HFM1: variants seen among roughly 807,000 people sequenced by gnomAD.
HFM1 encodes the protein probable ATP-dependent DNA helicase HFM1.
HFM1 carries 169 observed loss-of-function variants against 192.1 expected under a neutral mutation model. The observed-to-expected ratio is 0.88, with a 90% CI of 0.78 to 1.00. HFM1 has a LOEUF of 1.00. HFM1 is among the 50% of genes least tolerant of loss of function. The pLI, the probability that HFM1 is intolerant of heterozygous loss-of-function variation, is 0.00. For synonymous variants in HFM1, 525 were observed against 537.8 expected (o/e 0.98, Z 0.33); for missense variants, 1,661 against 1,668.0 (o/e 1.00, Z 0.07).
chr1:91,390,623 T>C (rs185821572), intron 4 of HFM1, among the ~76,000 whole-genome samples: 1 of 152,224 alleles, frequency 6.6e-6, no homozygotes, highest in Middle Eastern at 3.4e-3. Flanking sequence ...TAAGAGCTAT[T>C]TATGACAGAC....
Position 91,397,507 on chromosome 1 carries a change from G to A in HFM1, c.72-1102C>T, listed in dbSNP as rs184991135. Among the ~76,000 whole-genome samples, 22 of 152,268 alleles carry A rather than the reference G, an allele frequency of 1.4e-4. No homozygotes were observed. The East Asian group carries it at 3.9e-3, about 27-fold the overall frequency. On this transcript the variant is annotated intron_variant, in intron 2 of 38. Coordinates refer to ENST00000370425, the MANE Select transcript of HFM1 (RefSeq NM_001017975.6). Reference sequence around the variant, plus strand: ...ATGATCTAGTCATTTAGGATGTTACGCTCTCTAAAGTGAGAAACTCAGTCT... The same window carrying A: ...ATGATCTAGTCATTTAGGATGTTACACTCTCTAAAGTGAGAAACTCAGTCT...
Position 91,404,815 on chromosome 1 carries a change from C to T in HFM1, c.-45G>A. ...CTCCTCACCTCCCTGCGGACAGCTC[C>T]TAGGCCAGTCGAGCGCCGATTTATC... On this transcript the variant is annotated 5_prime_UTR_variant, in exon 1 of 39. Coordinates refer to ENST00000370425, the MANE Select transcript of HFM1 (RefSeq NM_001017975.6). The T allele has an allele frequency of 2.2e-6, 1 of 455,688 alleles. No homozygotes were observed. The highest frequency in any genetic ancestry group is 4.4e-6 in the Non-Finnish European group (1 of 226,684). The allele number at this position is 455,688 out of a possible 1,614,324, so 28.2% of individuals were successfully genotyped here.
At chr1:91,262,896 C>T (rs573921422) in intron 36 of HFM1, among the ~76,000 whole-genome samples, 3 of 152,208 alleles carry the variant, frequency 2.0e-5, no homozygotes, top group East Asian at 1.9e-4. Flanking sequence ...ACCCTATAAA[C>T]ATTTTCTAAA....
chr1:91,320,138 A>C (rs892733183), intron 23 of HFM1, among the ~76,000 whole-genome samples: 2 of 152,204 alleles, frequency 1.3e-5, no homozygotes, highest in African/African-American at 4.8e-5. Flanking sequence ...TCTTAAGGGG[A>C]TCTCTTTTAA....
chr1:91,296,602 A>G (rs1230942023), intron 30 of HFM1, among the ~76,000 whole-genome samples: 1 of 152,220 alleles, frequency 6.6e-6, no homozygotes, highest in Non-Finnish European at 1.5e-5. Flanking sequence ...CTGAATATAA[A>G]GATTAATTTG....
chr1:91,363,789 T>G (rs1056826669), intron 13 of HFM1, among the ~76,000 whole-genome samples: 2 of 152,186 alleles, frequency 1.3e-5, no homozygotes, highest in African/African-American at 4.8e-5. Context: ...TCAACCTAAA[T>G]GCCCATCAGT....
intron 30 of HFM1, among the ~76,000 whole-genome samples, chr1:91,302,668 C>A (rs958730506): frequency 1.8e-4 from 27 of 150,468 alleles, no homozygotes; most frequent in Non-Finnish European, 3.5e-4. Context: ...TCATTCTCAG[C>A]AAACTATCGC....
At chr1:91,374,731 C>A (rs1394827404) in intron 13 of HFM1, among the ~76,000 whole-genome samples, 1 of 152,108 alleles carries the variant, frequency 6.6e-6, no homozygotes, top group Admixed American at 6.6e-5. Context: ...AGACATACAA[C>A]TGGATTCAGT....
intron 20 of HFM1, among the ~76,000 whole-genome samples, chr1:91,332,802 C>T (rs1654024026): frequency 6.6e-6 from 1 of 152,290 alleles, no homozygotes; most frequent in South Asian, 2.1e-4. Context: ...TTTGAATCAA[C>T]ATTTCTCAAA....
intron 2 of HFM1, among the ~76,000 whole-genome samples, chr1:91,398,076 T>C (rs1341431380): frequency 6.6e-6 from 1 of 152,234 alleles, no homozygotes; most frequent in Non-Finnish European, 1.5e-5. Context: ...GGGATCTTCC[T>C]GAAATCTAAG....
chr1:91,350,690 C>T (rs750802854), intron 18 of HFM1, 48 bp downstream of exon 18: 1 of 1,579,900 alleles, frequency 6.3e-7, no homozygotes, highest in South Asian at 1.1e-5. Flanking sequence ...AAATACAGGC[C>T]TAGCTGGCTT....
intron 23 of HFM1, among the ~76,000 whole-genome samples, chr1:91,321,211 GC>G (rs1652055003): frequency 6.6e-6 from 1 of 152,214 alleles, no homozygotes. Flanking sequence ...GGAGGCCGAG[GC>G]AGGTGGATCA....
intron 20 of HFM1, among the ~76,000 whole-genome samples, chr1:91,334,764 A>C (rs1305564205): frequency 6.6e-6 from 1 of 151,992 alleles, no homozygotes. Context: ...CCCTGTCTCT[A>C]CTAAAAATAC....
At chr1:91,400,393 T>C (rs1471597065) in intron 2 of HFM1, among the ~76,000 whole-genome samples, 1 of 152,238 alleles carries the variant, frequency 6.6e-6, no homozygotes, top group Non-Finnish European at 1.5e-5. Flanking sequence ...AGCTACTCTT[T>C]GAGCATTATT....
chr1:91,329,203 A>T, intron 20 of HFM1: 2 of 1,609,822 alleles, frequency 1.2e-6, no homozygotes, highest in Non-Finnish European at 8.5e-7. Context: ...AATCGGCTCC[A>T]CAAGGAGGCT....
intron 20 of HFM1, chr1:91,329,043 T>C: frequency 6.2e-7 from 1 of 1,611,154 alleles, no homozygotes; most frequent in South Asian, 1.1e-5. Context: ...CCAGGAACAG[T>C]TTGTGGATCT....
At chr1:91,294,568 C>T (rs960541920) in intron 30 of HFM1, among the ~76,000 whole-genome samples, 1 of 152,210 alleles carries the variant, frequency 6.6e-6, no homozygotes, top group Non-Finnish European at 1.5e-5. Context: ...TATTCATTTA[C>T]ATATTGTCTA....
chr1:91,283,973 A>G (rs898916631), intron 30 of HFM1, among the ~76,000 whole-genome samples: 1 of 151,988 alleles, frequency 6.6e-6, no homozygotes, highest in Non-Finnish European at 1.5e-5. Flanking sequence ...GATTTATGCA[A>G]TTCATGGTTT....
intron 20 of HFM1, 25 bp downstream of exon 20, chr1:91,343,405 T>C: frequency 8.7e-7 from 1 of 1,147,906 alleles, no homozygotes; most frequent in Non-Finnish European, 1.3e-6. Context: ...AATTGCTAAA[T>C]TTACTGACAA....
Sources: allele counts gnomAD v4.1 joint callset (sites outside exome capture counted in the v4.1 genomes callset), GRCh38; gene constraint gnomAD v4.1.1; transcripts MANE v1.5; gene names NCBI Gene and HGNC (gene_info 2026-07-23, HGNC 2026-07-21).